Variants in CBR4 observed in about 807,000 individuals in gnomAD.
CBR4 encodes carbonyl reductase 4.
A neutral mutation model predicts 21.0 loss-of-function variants in CBR4; 22 were observed. That is an observed-to-expected ratio of 1.05 (90% CI 0.75 to 1.50). The LOEUF is 1.50. Ranked by LOEUF, CBR4 falls within the 40% of genes most tolerant of loss-of-function variation. The pLI is 0.00. For missense variants in CBR4, 302 were observed against 286.3 expected (o/e 1.05, Z -0.40); for synonymous variants, 100 against 104.4 (o/e 0.96, Z 0.26).
chr4:168,972,137 C>T (rs754410388), intron 2 of CBR4, among the ~76,000 whole-genome samples: 11 of 152,134 alleles, frequency 7.2e-5, no homozygotes, highest in Non-Finnish European at 1.5e-5. Context: ...CTATTCTGTT[C>T]CATTGGTCTA....
chr4:168,936,434 T>C (rs1277776168), intron 2 of CBR4, among the ~76,000 whole-genome samples: 6 of 152,064 alleles, frequency 3.9e-5, no homozygotes, highest in African/African-American at 9.7e-5. Context: ...GAGAATGAGT[T>C]TGACGAACTG....
chr4:168,915,416 A>G (rs1305166126), intron 2 of CBR4, among the ~76,000 whole-genome samples: 1 of 152,244 alleles, frequency 6.6e-6, no homozygotes, highest in South Asian at 2.1e-4. Context: ...CTAATGCAAA[A>G]GAAAACTTGC....
intron 1 of CBR4, 44 bp downstream of exon 1, chr4:169,009,904 T>C (rs1458842879): frequency 1.9e-6 from 3 of 1,572,138 alleles, no homozygotes; most frequent in Non-Finnish European, 2.6e-6. Context: ...TTTAGGCGCC[T>C]GGACCGCGGC....
chr4:168,918,808 T>TA (rs1189247180), intron 2 of CBR4, among the ~76,000 whole-genome samples: 1 of 152,144 alleles, frequency 6.6e-6, no homozygotes. Flanking sequence ...AAAAAACACT[T>TA]AAAAAAATTC....
chr4:168,929,126 ATATAAAT>A (rs1762878537), intron 2 of CBR4, among the ~76,000 whole-genome samples: 1 of 152,218 alleles, frequency 6.6e-6, no homozygotes, highest in Non-Finnish European at 1.5e-5. Flanking sequence ...CAGCAAGATG[ATATAAAT>A]TAAAAGTGAG....
intron 2 of CBR4, among the ~76,000 whole-genome samples, chr4:168,964,567 CCA>C (rs1250687685): frequency 6.6e-6 from 1 of 152,138 alleles, no homozygotes; most frequent in Non-Finnish European, 1.5e-5. Flanking sequence ...ACTATAACAA[CCA>C]CACAGAAGTC....
chr4:168,898,678 T>C lies in CBR4; in HGVS notation n.170-3913A>G. On this transcript the variant is annotated intron_variant and non_coding_transcript_variant, in intron 2 of 3. Transcript: ENST00000509108. ...AGATCTTTGAGGGAATGCCAGTAAC[T>C]TTCACATGTAGAGTGGCTGGAAATC... The C allele has an allele frequency of 6.2e-7, 1 of 1,614,006 alleles. No homozygotes were observed. The highest frequency in any genetic ancestry group is 8.5e-7 in the Non-Finnish European group (1 of 1,179,904).
chr4:168,926,220 G>C lies in CBR4; in HGVS notation n.170-31455C>G, dbSNP rs2126617157. The C allele has an allele frequency of 6.5e-7, 1 of 1,530,844 alleles. No individual in the cohort carries two copies. Among genetic ancestry groups the C allele is most frequent in the Non-Finnish European group, 8.7e-7 (1 of 1,143,042 alleles). 94.8% of individuals were successfully genotyped at this position (1,530,844 alleles called of 1,614,324 possible). On this transcript the variant is annotated intron_variant and non_coding_transcript_variant, in intron 2 of 3. Transcript: ENST00000509108. The stretch of plus-strand genomic sequence containing the variant: ...TACTCTTTTTCTTTGTAGCCCAGTG[G>C]CATCAGCAGTCACAGAGCACCAAGC...
At chr4:168,942,819 G>A (rs1115717) in intron 2 of CBR4, among the ~76,000 whole-genome samples, 81,673 of 151,910 alleles carry the variant, frequency 0.54, 25,097 homozygotes, top group East Asian at 0.88. Context: ...GGATCTGAAC[G>A]GATATTTCAC....
At chr4:168,937,799 C>T (rs1350387617) in intron 2 of CBR4, among the ~76,000 whole-genome samples, 3 of 152,124 alleles carry the variant, frequency 2.0e-5, no homozygotes, top group Non-Finnish European at 4.4e-5. Flanking sequence ...ACAGGAACAT[C>T]CAGATTCATA....
At chr4:168,991,175 T>C (rs1481214735) in intron 4 of CBR4, among the ~76,000 whole-genome samples, 1 of 152,230 alleles carries the variant, frequency 6.6e-6, no homozygotes, top group Admixed American at 6.5e-5. Flanking sequence ...CCCAAGTATC[T>C]GGCCCACCTA....
At chr4:168,900,408 A>T (rs1756247077) in intron 2 of CBR4, among the ~76,000 whole-genome samples, 3 of 152,218 alleles carry the variant, frequency 2.0e-5, no homozygotes, top group African/African-American at 7.2e-5. Flanking sequence ...TTTAAAAAGA[A>T]TGGAAACTAT....
chr4:169,002,696 AACTC>A (rs1730559033), intron 3 of CBR4, among the ~76,000 whole-genome samples: 1 of 152,024 alleles, frequency 6.6e-6, no homozygotes, highest in Non-Finnish European at 1.5e-5. Context: ...TTACATGCAT[AACTC>A]ATTTTATTGT....
At chr4:168,952,264 G>C (rs1763562165) in intron 2 of CBR4, among the ~76,000 whole-genome samples, 1 of 151,886 alleles carries the variant, frequency 6.6e-6, no homozygotes, top group African/African-American at 2.4e-5. Flanking sequence ...ATTTCCTGAA[G>C]TTTTGATTTT....
chr4:168,981,567 G>A (rs1316394203), intron 2 of CBR4, among the ~76,000 whole-genome samples: 2 of 152,034 alleles, frequency 1.3e-5, no homozygotes, highest in Non-Finnish European at 2.9e-5. Context: ...AACTCAGTCA[G>A]ATAATAAAGA....
At chr4:168,906,195 G>A (rs780534758) in intron 2 of CBR4, among the ~76,000 whole-genome samples, 3 of 152,096 alleles carry the variant, frequency 2.0e-5, no homozygotes, top group Non-Finnish European at 4.4e-5. Flanking sequence ...TGGTCCTTAC[G>A]TATTTGCCAA....
At chr4:168,932,655 A>G (rs150687692) in intron 2 of CBR4, among the ~76,000 whole-genome samples, 1,670 of 152,320 alleles carry the variant, frequency 0.011, 15 homozygotes, top group South Asian at 0.02. Context: ...AGTCAAATAC[A>G]AAGAAAGAAT....
intron 2 of CBR4, among the ~76,000 whole-genome samples, chr4:168,957,768 T>A (rs548958934): frequency 6.6e-6 from 1 of 152,316 alleles, no homozygotes; most frequent in East Asian, 1.9e-4. Flanking sequence ...AATGTTATCT[T>A]GAACTGTAGT....
chr4:168,995,937 T>C (rs1224354796), intron 4 of CBR4, among the ~76,000 whole-genome samples: 1 of 152,168 alleles, frequency 6.6e-6, no homozygotes, highest in Non-Finnish European at 1.5e-5. Flanking sequence ...GTCAGATCTG[T>C]ACAAGAGAGA....
Sources: gnomAD v4.1 joint callset for allele counts (sites outside exome capture counted in the v4.1 genomes callset) on GRCh38, gnomAD v4.1.1 for gene constraint, MANE v1.5 for transcripts, NCBI Gene and HGNC (gene_info 2026-07-23, HGNC 2026-07-21) for gene names.